NDNF: variants seen among roughly 807,000 people sequenced by gnomAD.
The protein encoded by NDNF is protein NDNF.
Under a neutral mutation model 42.0 loss-of-function variants are expected in NDNF, and 16 were observed. The observed-to-expected ratio is 0.38, with a 90% CI of 0.26 to 0.58. The LOEUF is 0.58. Ranked by LOEUF, NDNF falls within the 20% of genes least tolerant of loss-of-function variation. NDNF has a pLI of 0.67. For missense variants in NDNF, 616 were observed against 666.2 expected, an observed-to-expected ratio of 0.92 and a Z score of 0.83; for synonymous variants, 248 against 251.7, an observed-to-expected ratio of 0.99 and a Z score of 0.14.
At position 121,036,880 on chromosome 4, in the gene NDNF, C is replaced by A. The variant is rs561208343; in HGVS notation, c.1091G>T (p.Arg364Leu). ...FVKRKGAKFL[R>L]FAPVSSHQKV... is the part of the protein sequence containing the mutation. ...TTGGTGAGAAGAGACTGGAGCAAAC[C>A]GTAGAAACTTTGCTCCCTTCCTTTT... is the stretch of plus-strand genomic sequence containing the variant. Residue 364 changes from arginine to leucine, a missense_variant, in exon 4 of 4, where the codon CGG (arginine) becomes CTG (leucine). Physicochemically the swap from Arg to Leu is moderately radical, Grantham distance 102. Transcript: ENST00000379692. 1 of 1,613,958 alleles carries A rather than the reference C, an allele frequency of 6.2e-7. No individual in the cohort carries two copies. The highest frequency in any genetic ancestry group is 1.7e-5 in the Admixed American group (1 of 60,000).
In NDNF at chr4:121,039,143, G is replaced by GTATATATATATATACATATATATA. The variant is rs1386847891; in HGVS notation, c.313+786_313+787insTATATATATGTATATATATATATA. 1.6e-4 allele frequency among the ~76,000 whole-genome samples: 6 copies of GTATATATATATATACATATATATA among 37,704 alleles called. No homozygotes were observed. In the South Asian group the frequency reaches 5.7e-3, roughly 36 times the overall value. 24.7% of individuals were successfully genotyped at this position (37,704 alleles called of 152,430 possible). ...TACGTATACATAGTTATATATATATGTGTATATATATATGTATATATATAT... is the reference window on the plus strand; with the variant it reads ...TACGTATACATAGTTATATATATATGTATATATATATATACATATATATATGTATATATATATGTATATATATAT... On this transcript the variant is annotated intron_variant, in intron 3 of 3. Coordinates refer to ENST00000379692, the MANE Select transcript of NDNF (RefSeq NM_024574.4).
At chr4:121,046,063 A>C (rs1462956696) in intron 1 of NDNF, among the ~76,000 whole-genome samples, 1 of 152,260 alleles carries the variant, frequency 6.6e-6, no homozygotes, top group Non-Finnish European at 1.5e-5. Flanking sequence ...GACATTAAAA[A>C]GATTTTGAAA....
At chr4:121,052,284 T>G (rs932115652) in intron 1 of NDNF, among the ~76,000 whole-genome samples, 3 of 152,230 alleles carry the variant, frequency 2.0e-5, no homozygotes, top group Non-Finnish European at 4.4e-5. Context: ...AATTATCTAA[T>G]GTGCCTGATC....
intron 1 of NDNF, among the ~76,000 whole-genome samples, chr4:121,051,969 C>T (rs1201321856): frequency 1.3e-5 from 2 of 152,066 alleles, no homozygotes; most frequent in Non-Finnish European, 2.9e-5. Context: ...TGTAAAGGTC[C>T]AAGGCTCTCA....
intron 1 of NDNF, among the ~76,000 whole-genome samples, chr4:121,059,232 A>C (rs1560609103): frequency 6.6e-6 from 1 of 152,206 alleles, no homozygotes; most frequent in Non-Finnish European, 1.5e-5. Context: ...AATCCTACAT[A>C]TATCTACAAG....
chr4:121,038,038 T>C lies in NDNF; in HGVS notation c.314-381A>G, dbSNP rs922388388. On this transcript the variant is annotated intron_variant, in intron 3 of 3. Coordinates refer to ENST00000379692, the MANE Select transcript of NDNF (RefSeq NM_024574.4). Reference sequence around the variant, plus strand: ...CACGGCTGTTAGAAGGACTAGACAATCTGATTAAAATACACAATATAAAGT... The same window carrying C: ...CACGGCTGTTAGAAGGACTAGACAACCTGATTAAAATACACAATATAAAGT... 6 of 175,580 alleles carry C rather than the reference T, an allele frequency of 3.4e-5. No individual in the cohort carries two copies. The South Asian group carries it at 9.2e-4, about 27-fold the overall frequency. 10.9% of individuals were successfully genotyped at this position (175,580 alleles called of 1,614,324 possible). A position where few individuals can be genotyped will look rare whatever the true frequency, so the allele number is the denominator to read the frequency against.
chr4:121,065,672 A>G (rs1358162904), intron 1 of NDNF, among the ~76,000 whole-genome samples: 5 of 151,690 alleles, frequency 3.3e-5, no homozygotes, highest in Non-Finnish European at 7.4e-5. Flanking sequence ...AGAAGGAAAT[A>G]CCAAAAGATC....
intron 1 of NDNF, among the ~76,000 whole-genome samples, chr4:121,046,944 T>C: frequency 6.6e-6 from 1 of 152,214 alleles, no homozygotes; most frequent in East Asian, 1.9e-4. Flanking sequence ...TGTAAAGAAT[T>C]GTTTTCCTTT....
At chr4:121,060,347 A>AT (rs1373084153) in intron 1 of NDNF, among the ~76,000 whole-genome samples, 3 of 151,836 alleles carry the variant, frequency 2.0e-5, no homozygotes, top group Non-Finnish European at 4.4e-5. Context: ...TGTCTAGCTA[A>AT]TTTTTTTAGT....
chr4:121,055,672 G>A (rs1215335697), intron 1 of NDNF, among the ~76,000 whole-genome samples: 1 of 152,092 alleles, frequency 6.6e-6, no homozygotes, highest in Non-Finnish European at 1.5e-5. Context: ...ATGAGGAGAG[G>A]CTACAGTGGA....
chr4:121,047,964 G>A (rs954069442), intron 1 of NDNF, among the ~76,000 whole-genome samples: 3 of 152,206 alleles, frequency 2.0e-5, no homozygotes, highest in Non-Finnish European at 2.9e-5. Flanking sequence ...TCAAGACTAG[G>A]TTGATATAAT....
In NDNF at chr4:121,039,467, T is replaced by C. The variant is rs77600801; in HGVS notation, c.313+463A>G. On this transcript the variant is annotated intron_variant, in intron 3 of 3. Coordinates refer to ENST00000379692, the MANE Select transcript of NDNF (RefSeq NM_024574.4). ...GCTACTAAATGCCTCTCTGCTTCTC[T>C]GTTTCCATCTGTTATTCCCTGGAGA... Among the ~76,000 whole-genome samples, 990 of 152,076 alleles carry C rather than the reference T, an allele frequency of 6.5e-3. 4 individuals carry two copies. Among genetic ancestry groups the C allele is most frequent in the Middle Eastern group, 0.017 (5 of 294 alleles).
intron 1 of NDNF, among the ~76,000 whole-genome samples, chr4:121,058,433 C>T (rs1314794305): frequency 1.3e-5 from 2 of 152,114 alleles, no homozygotes; most frequent in African/African-American, 4.8e-5. Flanking sequence ...TGAATCTGGG[C>T]TCCACTCCTT....
intron 1 of NDNF, chr4:121,061,186 C>T (rs1207820670): frequency 3.3e-5 from 5 of 152,182 alleles, no homozygotes; most frequent in Non-Finnish European, 5.9e-5. Flanking sequence ...AAAACACCTC[C>T]GGAAAGGTTA....
chr4:121,057,891 C>G (rs1727325246), intron 1 of NDNF, among the ~76,000 whole-genome samples: 1 of 152,140 alleles, frequency 6.6e-6, no homozygotes, highest in Non-Finnish European at 1.5e-5. Context: ...AATAAGTCAA[C>G]CAGTGTTTAT....
At chr4:121,051,866 T>G (rs1295243376) in intron 1 of NDNF, among the ~76,000 whole-genome samples, 1 of 152,198 alleles carries the variant, frequency 6.6e-6, no homozygotes, top group African/African-American at 2.4e-5. Context: ...AGAAAGCTTG[T>G]CTTTAATAGT....
At chr4:121,066,803 TA>T (rs1349808509) in intron 1 of NDNF, among the ~76,000 whole-genome samples, 3 of 152,250 alleles carry the variant, frequency 2.0e-5, no homozygotes. Flanking sequence ...CAGTTGTTGA[TA>T]AAACACATAT....
chr4:121,057,284 G>A (rs6837766), intron 1 of NDNF, among the ~76,000 whole-genome samples: 130,183 of 152,108 alleles, frequency 0.86, 55,891 homozygotes, highest in Non-Finnish European at 0.88. Flanking sequence ...AAGGGCTCAC[G>A]TGAAGAGTAA....
At chr4:121,067,485 G>C (rs1365093582) in intron 1 of NDNF, among the ~76,000 whole-genome samples, 2 of 152,112 alleles carry the variant, frequency 1.3e-5, no homozygotes, top group Non-Finnish European at 2.9e-5. Flanking sequence ...GGAAGTTATT[G>C]AAAGAATGAT....
Sources: allele counts gnomAD v4.1 joint callset (sites outside exome capture counted in the v4.1 genomes callset), GRCh38; gene constraint gnomAD v4.1.1; transcripts MANE v1.5; gene names NCBI Gene and HGNC (gene_info 2026-07-23, HGNC 2026-07-21).